Variants in NRG1 observed in about 807,000 individuals in gnomAD.
NRG1 encodes the protein neuregulin 1.
A neutral mutation model predicts 63.8 loss-of-function variants in NRG1; 18 were observed. The ratio of observed to expected loss-of-function variants is 0.28; its 90% CI spans 0.19 to 0.42. The LOEUF is 0.42. Ranked by LOEUF, NRG1 falls within the 10% of genes least tolerant of loss-of-function variation. The pLI is 1.00. For synonymous variants in NRG1, 302 were observed against 301.3 expected (o/e 1.00, Z -0.02); for missense variants, 762 against 814.7 (o/e 0.94, Z 0.79).
At chr8:32,571,502 C>T (rs879463711) in intron 1 of NRG1, among the ~76,000 whole-genome samples, 2 of 152,050 alleles carry the variant, frequency 1.3e-5, no homozygotes, top group African/African-American at 2.4e-5. Flanking sequence ...CTGCTTGGGT[C>T]CTGTCTCTTC....
At chr8:31,673,715 C>T (rs1289894015) in intron 1 of NRG1, among the ~76,000 whole-genome samples, 1 of 152,060 alleles carries the variant, frequency 6.6e-6, no homozygotes, top group Non-Finnish European at 1.5e-5. Flanking sequence ...AGAAGCATGA[C>T]GTCAGAATAA....
intron 1 of NRG1, among the ~76,000 whole-genome samples, chr8:32,485,262 A>C (rs1483084335): frequency 6.6e-6 from 1 of 151,886 alleles, no homozygotes; most frequent in African/African-American, 2.4e-5. Flanking sequence ...TTATAGTACC[A>C]CGCCCAGCTA....
chr8:32,141,542 GTGTA>G (rs929215942), intron 1 of NRG1, among the ~76,000 whole-genome samples: 1 of 143,226 alleles, frequency 7.0e-6, no homozygotes, highest in African/African-American at 2.6e-5. Context: ...GTGTGTGTGT[GTGTA>G]TATATATACT....
chr8:32,093,644 C>T (rs1183471412), intron 1 of NRG1, among the ~76,000 whole-genome samples: 1 of 152,084 alleles, frequency 6.6e-6, no homozygotes, highest in Non-Finnish European at 1.5e-5. Context: ...GTGTGAGGCT[C>T]CTGTTTACCA....
chr8:32,652,278 T>C (rs1009564620), intron 5 of NRG1, among the ~76,000 whole-genome samples: 2 of 152,216 alleles, frequency 1.3e-5, no homozygotes, highest in Non-Finnish European at 2.9e-5. Context: ...TGTTTTGCTC[T>C]TATTAAATTT....
chr8:32,095,949 C>A (rs1829850617), intron 1 of NRG1, among the ~76,000 whole-genome samples: 1 of 152,152 alleles, frequency 6.6e-6, no homozygotes, highest in African/African-American at 2.4e-5. Context: ...TAGTTTGAAT[C>A]TCCAGAAAAG....
chr8:32,763,198 T>C, intron 11 of NRG1: 1 of 1,611,652 alleles, frequency 6.2e-7, no homozygotes, highest in South Asian at 1.1e-5. Flanking sequence ...TAAGTTACTA[T>C]GCTCTTTTTT....
At chr8:31,889,764 G>A (rs1831003687) in intron 1 of NRG1, among the ~76,000 whole-genome samples, 1 of 152,212 alleles carries the variant, frequency 6.6e-6, no homozygotes, top group African/African-American at 2.4e-5. Context: ...GCCTCCAAGT[G>A]TGTGGGCTGG....
intron 1 of NRG1, among the ~76,000 whole-genome samples, chr8:32,487,810 G>A (rs1826083584): frequency 6.6e-6 from 1 of 152,164 alleles, no homozygotes; most frequent in Non-Finnish European, 1.5e-5. Flanking sequence ...GGTCTACTCA[G>A]GCAACTCGTT....
At chr8:32,175,803 T>C (rs1482437413) in intron 1 of NRG1, among the ~76,000 whole-genome samples, 4 of 152,084 alleles carry the variant, frequency 2.6e-5, no homozygotes, top group South Asian at 2.1e-4. Flanking sequence ...TCAAGGAGAA[T>C]TACAAACCAC....
chr8:31,697,835 G>A (rs1275139688), intron 1 of NRG1, among the ~76,000 whole-genome samples: 2 of 151,524 alleles, frequency 1.3e-5, no homozygotes, highest in Admixed American at 6.6e-5. Context: ...TACAAGACTT[G>A]TACATTTTTC....
chr8:31,815,048 G>A (rs776975271), intron 1 of NRG1, among the ~76,000 whole-genome samples: 15 of 152,020 alleles, frequency 9.9e-5, no homozygotes, highest in Admixed American at 2.0e-4. Flanking sequence ...AAAGGTACAG[G>A]TTTGTTTGCA....
At chr8:32,013,847 C>T (rs938936490) in intron 1 of NRG1, among the ~76,000 whole-genome samples, 2 of 152,112 alleles carry the variant, frequency 1.3e-5, no homozygotes, top group African/African-American at 2.4e-5. Flanking sequence ...CCCTATTCAC[C>T]TCTGTCATCA....
At chr8:32,370,722 G>A (rs1174068165) in intron 1 of NRG1, among the ~76,000 whole-genome samples, 1 of 148,934 alleles carries the variant, frequency 6.7e-6, no homozygotes, top group Non-Finnish European at 1.5e-5. Flanking sequence ...GCCAGGCATG[G>A]TGGCAGGTGC....
At chr8:31,826,737 G>C (rs1396244040) in intron 1 of NRG1, among the ~76,000 whole-genome samples, 1 of 152,170 alleles carries the variant, frequency 6.6e-6, no homozygotes, top group African/African-American at 2.4e-5. Flanking sequence ...AAGAATATAA[G>C]GGGCTTGCAT....
intron 1 of NRG1, among the ~76,000 whole-genome samples, chr8:32,587,910 T>TTTTTGTTTTGTTTTG (rs199766055): frequency 2.9e-5 from 4 of 135,614 alleles, no homozygotes; most frequent in African/African-American, 5.4e-5. Flanking sequence ...CATGTGGGTT[T>TTTTTGTTTTGTTTTG]TTTTGTTTTG....
intron 1 of NRG1, among the ~76,000 whole-genome samples, chr8:31,706,237 C>G (rs1049170901): frequency 1.3e-5 from 2 of 152,050 alleles, no homozygotes; most frequent in African/African-American, 4.8e-5. Context: ...AGAGTTTTTT[C>G]TGCATATACA....
At chr8:32,360,278 A>G (rs950455841) in intron 1 of NRG1, among the ~76,000 whole-genome samples, 1 of 152,210 alleles carries the variant, frequency 6.6e-6, no homozygotes, top group Admixed American at 6.5e-5. Context: ...ATTTGCCAAT[A>G]CCTGTAAACA....
At chr8:32,560,016 C>T in intron 1 of NRG1, among the ~76,000 whole-genome samples, 1 of 151,632 alleles carries the variant, frequency 6.6e-6, no homozygotes, top group East Asian at 1.9e-4. Flanking sequence ...GACCCTGTGT[C>T]AAAATAAAAT....
Sources: allele counts gnomAD v4.1 joint callset (sites outside exome capture counted in the v4.1 genomes callset), GRCh38; gene constraint gnomAD v4.1.1; transcripts MANE v1.5; gene names NCBI Gene and HGNC (gene_info 2026-07-23, HGNC 2026-07-21).